Variants in CSMD1 observed in about 807,000 individuals in gnomAD.
CSMD1 encodes CUB and sushi domain-containing protein 1.
In CSMD1, 213 loss-of-function variants were observed where a neutral mutation model predicts 417.5. That is an observed-to-expected ratio of 0.51 (90% CI 0.46 to 0.57). The LOEUF (loss-of-function observed/expected upper bound fraction) is 0.57, where lower values mean the gene tolerates loss of function less well. Ranked by LOEUF, CSMD1 falls within the 20% of genes least tolerant of loss-of-function variation. The pLI, the probability that CSMD1 is intolerant of heterozygous loss-of-function variation, is 0.00. For synonymous variants in CSMD1, 2,862 were observed against 1,736.8 expected (o/e 1.65, Z -16.11); for missense variants, 6,923 against 4,529.7 (o/e 1.53, Z -15.17).
chr8:3,964,676 T>A (rs1429927915), intron 5 of CSMD1, among the ~76,000 whole-genome samples: 1 of 152,230 alleles, frequency 6.6e-6, no homozygotes, highest in Non-Finnish European at 1.5e-5. Flanking sequence ...ATATTTTTAC[T>A]TTTAAATGGA....
chr8:4,528,495 G>A (rs1307205945), intron 2 of CSMD1, among the ~76,000 whole-genome samples: 1 of 152,210 alleles, frequency 6.6e-6, no homozygotes, highest in Non-Finnish European at 1.5e-5. Flanking sequence ...GAGGTCAGCT[G>A]TGTAGCATGG....
At chr8:4,295,380 A>G (rs1187756354) in intron 3 of CSMD1, among the ~76,000 whole-genome samples, 1 of 144,492 alleles carries the variant, frequency 6.9e-6, no homozygotes, top group Non-Finnish European at 1.5e-5. Flanking sequence ...GTATCTTATT[A>G]TACACATATA....
intron 5 of CSMD1, among the ~76,000 whole-genome samples, chr8:3,846,983 TA>T (rs372162331): frequency 2.0e-5 from 3 of 152,174 alleles, no homozygotes; most frequent in African/African-American, 7.2e-5. Flanking sequence ...CCCCAGGATT[TA>T]CTTTTTAAAT....
At chr8:2,946,343 G>C (rs6981292) in intron 68 of CSMD1, among the ~76,000 whole-genome samples, 1 of 152,064 alleles carries the variant, frequency 6.6e-6, no homozygotes, top group South Asian at 2.1e-4. Context: ...TTAGAAGATT[G>C]GTGTCCCTCC....
intron 10 of CSMD1, among the ~76,000 whole-genome samples, chr8:3,562,040 C>A (rs1167780851): frequency 2.0e-5 from 3 of 152,022 alleles, no homozygotes; most frequent in Admixed American, 6.6e-5. Context: ...TCACTACCAC[C>A]CATCTCATAA....
chr8:3,352,196 G>A (rs539883896), intron 21 of CSMD1, among the ~76,000 whole-genome samples: 5 of 152,300 alleles, frequency 3.3e-5, no homozygotes, highest in African/African-American at 1.2e-4. Flanking sequence ...TCAGGTGCAA[G>A]ACAAATAGGA....
At chr8:4,351,123 A>C (rs2128901024) in intron 3 of CSMD1, among the ~76,000 whole-genome samples, 1 of 152,178 alleles carries the variant, frequency 6.6e-6, no homozygotes, top group South Asian at 2.1e-4. Context: ...GTTCGAGACC[A>C]GTCCGGGCAA....
intron 7 of CSMD1, among the ~76,000 whole-genome samples, chr8:3,707,672 T>A (rs1018825946): frequency 6.6e-6 from 1 of 151,862 alleles, no homozygotes; most frequent in Non-Finnish European, 1.5e-5. Flanking sequence ...TGACTGCACC[T>A]GCAGAGAAAG....
At chr8:4,027,725 C>A (rs747090448) in intron 4 of CSMD1, among the ~76,000 whole-genome samples, 1 of 152,060 alleles carries the variant, frequency 6.6e-6, no homozygotes, top group African/African-American at 2.4e-5. Flanking sequence ...GCCCATTGAA[C>A]AAACTTGAAG....
chr8:4,057,809 G>C (rs898740804), intron 3 of CSMD1, among the ~76,000 whole-genome samples: 2 of 152,102 alleles, frequency 1.3e-5, no homozygotes, highest in Non-Finnish European at 2.9e-5. Context: ...CCCATTGCTT[G>C]TTTTTGTCAG....
intron 1 of CSMD1, among the ~76,000 whole-genome samples, chr8:4,868,582 TTTCA>T (rs1333300129): frequency 1.4e-4 from 21 of 152,054 alleles, no homozygotes; most frequent in African/African-American, 5.1e-4. Flanking sequence ...AACCAATCAT[TTTCA>T]TTCGTCTAAA....
chr8:4,258,361 GGGAAGGAGGGAGGGAA>G (rs1803613710), intron 3 of CSMD1, among the ~76,000 whole-genome samples: 1 of 32,114 alleles, frequency 3.1e-5, no homozygotes, highest in Non-Finnish European at 6.1e-5. Context: ...AAGAGAAGGA[GGGAAGGAGGGAGGGAA>G]GGAGGGAGGG....
At chr8:4,401,475 C>G (rs796879861) in intron 3 of CSMD1, among the ~76,000 whole-genome samples, 7 of 152,188 alleles carry the variant, frequency 4.6e-5, no homozygotes, top group African/African-American at 1.4e-4. Flanking sequence ...GTGGCCCAAG[C>G]AGCACCATCC....
chr8:4,660,642 A>G (rs1228018953), intron 1 of CSMD1, among the ~76,000 whole-genome samples: 2 of 151,748 alleles, frequency 1.3e-5, no homozygotes, highest in Non-Finnish European at 2.9e-5. Flanking sequence ...CAGCAAAATT[A>G]AAAACATTTC....
chr8:3,643,686 G>A (rs371210147), intron 7 of CSMD1, among the ~76,000 whole-genome samples: 2 of 117,912 alleles, frequency 1.7e-5, no homozygotes, highest in African/African-American at 7.4e-5. Flanking sequence ...GGGCGACAGC[G>A]TGAGACTCCG....
chr8:4,539,066 G>A (rs1365587901), intron 2 of CSMD1, among the ~76,000 whole-genome samples: 3 of 152,306 alleles, frequency 2.0e-5, no homozygotes, highest in South Asian at 4.1e-4. Context: ...AGAAAAATGT[G>A]TGGCTTTTGT....
At chr8:4,910,289 A>G (rs1187106369) in intron 1 of CSMD1, among the ~76,000 whole-genome samples, 2 of 152,232 alleles carry the variant, frequency 1.3e-5, no homozygotes. Context: ...CAACGCATAT[A>G]TCTTGATTTA....
In CSMD1 at chr8:2,965,947, A is replaced by G. The variant is rs1269890762; in HGVS notation, c.9108T>C (p.Ser3036=). 1.2e-6 allele frequency: 2 copies of G among 1,602,906 alleles called. No individual in the cohort carries two copies. Among genetic ancestry groups the G allele is most frequent in the Non-Finnish European group, 1.7e-6 (2 of 1,174,344 alleles). ...TGTAPDCTII[S]CGDPGTLANG... Reference sequence around the variant, plus strand: ...TTGCTAGTGTGCCTGGATCCCCACAACTTATAACTAATAAACAGGGAACAG... The same window carrying G: ...TTGCTAGTGTGCCTGGATCCCCACAGCTTATAACTAATAAACAGGGAACAG... Residue 3036 remains serine (S), a synonymous_variant, in exon 59 of 70, where the codon AGT becomes AGC. Coordinates refer to ENST00000635120, the MANE Select transcript of CSMD1 (RefSeq NM_033225.6).
chr8:3,592,496 T>C (rs1397343877), intron 8 of CSMD1, among the ~76,000 whole-genome samples: 1 of 152,172 alleles, frequency 6.6e-6, no homozygotes, highest in Non-Finnish European at 1.5e-5. Context: ...GGATTTGCCA[T>C]ATTTGTCCTT....
Sources: allele counts gnomAD v4.1 joint callset (sites outside exome capture counted in the v4.1 genomes callset), GRCh38; gene constraint gnomAD v4.1.1; transcripts MANE v1.5; gene names NCBI Gene and HGNC (gene_info 2026-07-23, HGNC 2026-07-21).